The following RGPD3 variants were observed in gnomAD, a reference collection of about 807,000 sequenced individuals.
RGPD3 encodes the protein ranBP2-like and GRIP domain-containing protein 3.
Under a neutral mutation model 154.5 loss-of-function variants are expected in RGPD3, and 62 were observed. The ratio of observed to expected loss-of-function variants is 0.40; its 90% CI spans 0.33 to 0.50. RGPD3 has a LOEUF of 0.50. Ranked by LOEUF, RGPD3 falls within the 20% of genes least tolerant of loss-of-function variation. The probability of loss-of-function intolerance (pLI) is 0.59; values close to 1 mark genes in which losing one functional copy is unlikely to be tolerated. For missense variants in RGPD3, 919 were observed against 1,716.8 expected (o/e 0.54, Z 8.21); for synonymous variants, 308 against 607.0 (o/e 0.51, Z 7.24).
At chr2:106,464,606 G>A (rs1344725569) in intron 1 of RGPD3, among the ~76,000 whole-genome samples, 1 of 151,746 alleles carries the variant, frequency 6.6e-6, no homozygotes, top group East Asian at 1.9e-4. Flanking sequence ...GAGCTGTCAA[G>A]TAGACTTTGA....
chr2:106,436,079 A>G (rs1417905681), intron 12 of RGPD3, 44 bp downstream of exon 12: 5 of 1,562,118 alleles, frequency 3.2e-6, no homozygotes, highest in Non-Finnish European at 4.3e-6. Flanking sequence ...ATTTTAAAAA[A>G]TTAAGGTAAT....
At chr2:106,443,765 G>A (rs1677833054) in intron 7 of RGPD3, among the ~76,000 whole-genome samples, 2 of 116,810 alleles carry the variant, frequency 1.7e-5, no homozygotes, top group South Asian at 6.5e-4. Flanking sequence ...GCACGATCTC[G>A]GCTCACTGCA....
intron 22 of RGPD3, among the ~76,000 whole-genome samples, chr2:106,407,600 G>T (rs1476772112): frequency 6.6e-6 from 1 of 152,046 alleles, no homozygotes; most frequent in African/African-American, 2.4e-5. Flanking sequence ...AATGAATGGT[G>T]TAAGCTGAAT....
chr2:106,405,329 G>A (rs966378695), intron 22 of RGPD3, 100 bp from the exon 23 acceptor site: 1 of 1,006,286 alleles, frequency 9.9e-7, no homozygotes, highest in African/African-American at 1.7e-5. Context: ...AGCAAATAAT[G>A]TCTTTTTTAC....
At chr2:106,421,513 G>A (rs1303920453) in intron 20 of RGPD3, among the ~76,000 whole-genome samples, 1 of 150,586 alleles carries the variant, frequency 6.6e-6, no homozygotes, top group African/African-American at 2.4e-5. Flanking sequence ...TGTGTTACTG[G>A]TCACTAAGGG....
chr2:106,462,731 T>G (rs181432151), intron 1 of RGPD3, among the ~76,000 whole-genome samples: 1 of 152,142 alleles, frequency 6.6e-6, no homozygotes, highest in African/African-American at 2.4e-5. Flanking sequence ...TCACCCATCT[T>G]GCACAGTCAA....
chr2:106,406,902 A>G (rs1168075503), intron 22 of RGPD3, among the ~76,000 whole-genome samples: 1 of 152,122 alleles, frequency 6.6e-6, no homozygotes, highest in Non-Finnish European at 1.5e-5. Flanking sequence ...AAGCCATTTT[A>G]TTTTTCTGTT....
At chr2:106,466,138 G>A (rs59974352) in intron 1 of RGPD3, among the ~76,000 whole-genome samples, 22,719 of 151,830 alleles carry the variant, frequency 0.15, 2,446 homozygotes, top group East Asian at 0.65. Context: ...GCCAGGACGG[G>A]CCCAGGAGCG....
intron 1 of RGPD3, among the ~76,000 whole-genome samples, chr2:106,462,200 G>A (rs1308587087): frequency 6.6e-6 from 1 of 151,850 alleles, no homozygotes; most frequent in African/African-American, 2.4e-5. Context: ...TTTTCAAAAT[G>A]AAGAAATAGA....
chr2:106,448,283 T>C (rs1256125517), intron 6 of RGPD3, among the ~76,000 whole-genome samples: 2 of 152,216 alleles, frequency 1.3e-5, no homozygotes, highest in Non-Finnish European at 1.5e-5. Context: ...AAACTTTTTT[T>C]ATATTTTTAG....
At chr2:106,438,095 T>C (rs1190226754) in intron 9 of RGPD3, among the ~76,000 whole-genome samples, 1 of 151,708 alleles carries the variant, frequency 6.6e-6, no homozygotes, top group Non-Finnish European at 1.5e-5. Flanking sequence ...CCCCGGATAA[T>C]TTTTGTATTT....
intron 1 of RGPD3, among the ~76,000 whole-genome samples, chr2:106,464,883 C>T (rs1284450584): frequency 2.7e-4 from 40 of 148,598 alleles, no homozygotes; most frequent in Middle Eastern, 3.4e-3. Context: ...CCACCACGCC[C>T]GGCTCATTTT....
At chr2:106,441,863 CAAAAAAAA>C (rs1166971652) in intron 7 of RGPD3, among the ~76,000 whole-genome samples, 59 of 13,614 alleles carry the variant, frequency 4.3e-3, no homozygotes, top group African/African-American at 0.016. Context: ...GACTCCATCG[CAAAAAAAA>C]AAAAAAAAAA....
At chr2:106,410,619 G>A (rs1676640343) in intron 22 of RGPD3, among the ~76,000 whole-genome samples, 1 of 152,094 alleles carries the variant, frequency 6.6e-6, no homozygotes, top group Admixed American at 6.6e-5. Flanking sequence ...ATTTTAAAAT[G>A]CAAACGTTCT....
chr2:106,413,462 T>G (rs1174479574), intron 21 of RGPD3, among the ~76,000 whole-genome samples, 177 bp from the exon 22 acceptor site: 1 of 152,058 alleles, frequency 6.6e-6, no homozygotes, highest in Admixed American at 6.6e-5. Flanking sequence ...TCAAAGGAGT[T>G]TATGACATCA....
intron 22 of RGPD3, among the ~76,000 whole-genome samples, chr2:106,412,305 T>TG (rs1676696656): frequency 2.6e-5 from 2 of 75,804 alleles, no homozygotes; most frequent in Non-Finnish European, 5.4e-5. Context: ...TTTTTTTTTT[T>TG]TTTTTTTTTT....
intron 1 of RGPD3, among the ~76,000 whole-genome samples, chr2:106,461,920 CT>C (rs879683119): frequency 3.6e-4 from 53 of 147,164 alleles, no homozygotes; most frequent in Admixed American, 5.4e-4. Flanking sequence ...TCCCCCCTTC[CT>C]TTTTTTTTTT....
chr2:106,464,719 T>C lies in RGPD3; in HGVS notation c.72+3498A>G, dbSNP rs79083320. Among the ~76,000 whole-genome samples, 5 of 151,846 alleles carry C rather than the reference T, an allele frequency of 3.3e-5. No homozygotes were observed. In the East Asian group the frequency reaches 7.8e-4, roughly 24 times the overall value. On this transcript the variant is annotated intron_variant, in intron 1 of 22. Transcript: ENST00000409886. ...GAAAAACTAGAGAAAAAATTATATA[T>C]TTTTTTCTTTTTTTCTTTTTTGGAG...
At chr2:106,435,518 CG>C (rs1347393537) in intron 12 of RGPD3, among the ~76,000 whole-genome samples, 1 of 144,100 alleles carries the variant, frequency 6.9e-6, no homozygotes, top group Middle Eastern at 3.2e-3. Flanking sequence ...TTAGTAGAGA[CG>C]GGGTTTCACC....
Sources: allele counts gnomAD v4.1 joint callset (sites outside exome capture counted in the v4.1 genomes callset), GRCh38; gene constraint gnomAD v4.1.1; transcripts MANE v1.5; gene names NCBI Gene and HGNC (gene_info 2026-07-23, HGNC 2026-07-21).